The following BCR variants were observed in gnomAD, a reference collection of about 807,000 sequenced individuals.
The protein encoded by BCR is BCR activator of RhoGEF and GTPase, also known as breakpoint cluster region protein.
BCR carries 58 observed loss-of-function variants against 138.6 expected under a neutral mutation model. The ratio of observed to expected loss-of-function variants is 0.42; its 90% CI spans 0.34 to 0.52. The LOEUF (loss-of-function observed/expected upper bound fraction) is 0.52, where lower values mean the gene tolerates loss of function less well. BCR is among the 20% of genes least tolerant of loss of function. The pLI, the probability that BCR is intolerant of heterozygous loss-of-function variation, is 0.06. For missense variants in BCR, 1,599 were observed against 1,727.2 expected (o/e 0.93, Z 1.32); for synonymous variants, 786 against 730.1 (o/e 1.08, Z -1.23).
At chr22:23,252,982 T>TTATCTATTGG (rs1169000510) in intron 1 of BCR, among the ~76,000 whole-genome samples, 2 of 152,210 alleles carry the variant, frequency 1.3e-5, no homozygotes, top group African/African-American at 4.8e-5. Context: ...ACGTCAGGTG[T>TTATCTATTGG]CAGTAGCAAG....
chr22:23,226,489 G>T (rs542301986), intron 1 of BCR, among the ~76,000 whole-genome samples: 1 of 152,198 alleles, frequency 6.6e-6, no homozygotes, highest in Non-Finnish European at 1.5e-5. Context: ...AGGTTCCTAA[G>T]CTTCATGGTG....
chr22:23,221,186 T>C (rs1199754705), intron 1 of BCR, among the ~76,000 whole-genome samples: 1 of 152,184 alleles, frequency 6.6e-6, no homozygotes, highest in African/African-American at 2.4e-5. Context: ...CTTTTACAAA[T>C]TGGAGGATGG....
At chr22:23,198,328 G>A (rs369270359) in intron 1 of BCR, 7 of 437,628 alleles carry the variant, frequency 1.6e-5, no homozygotes, top group Non-Finnish European at 3.1e-5. Flanking sequence ...GTGCCGAGGA[G>A]GGGACTGGTG....
chr22:23,289,281 T>TACA (rs1275665388), intron 12 of BCR, among the ~76,000 whole-genome samples: 1 of 152,130 alleles, frequency 6.6e-6, no homozygotes, highest in Non-Finnish European at 1.5e-5. Flanking sequence ...GATGTGTGTG[T>TACA]TTGTAAGTCT....
chr22:23,190,926 A>T (rs185879581), intron 1 of BCR, among the ~76,000 whole-genome samples: 2 of 152,190 alleles, frequency 1.3e-5, no homozygotes, highest in East Asian at 3.9e-4. Flanking sequence ...TTTAAATTTA[A>T]AATTTATTAC....
rs1447571515 is a variant in BCR at position 23,290,659 on chromosome 22, C to A, written c.2782+246C>A. Reference sequence around the variant, plus strand: ...GATCCTGGGAGCTGGTGAGCTGCCCCCTGCAGGTGGATCGAGTAATTGCAG... The same window carrying A: ...GATCCTGGGAGCTGGTGAGCTGCCCACTGCAGGTGGATCGAGTAATTGCAG... On this transcript the variant is annotated intron_variant, in intron 14 of 22. Coordinates refer to ENST00000305877, the MANE Select transcript of BCR (RefSeq NM_004327.4). 7 of 516,176 alleles carry A rather than the reference C, an allele frequency of 1.4e-5. No individual in the cohort carries two copies. In the East Asian group the frequency reaches 2.0e-4, roughly 15 times the overall value. 32.0% of individuals were successfully genotyped at this position (516,176 alleles called of 1,614,324 possible).
At chr22:23,292,879 G>T (rs2073804355) in intron 15 of BCR, among the ~76,000 whole-genome samples, 2 of 152,214 alleles carry the variant, frequency 1.3e-5, no homozygotes, top group Admixed American at 1.3e-4. Context: ...CTGGAGAAGT[G>T]TTTGGAAAGA....
intron 4 of BCR, chr22:23,264,296 C>CA: frequency 1.1e-6 from 1 of 948,000 alleles, no homozygotes; most frequent in Non-Finnish European, 1.7e-6. Flanking sequence ...TGCATCTCAC[C>CA]ACCAAGCATC....
chr22:23,217,859 G>A lies in BCR; in HGVS notation c.1279+35620G>A, dbSNP rs542863209. Among the ~76,000 whole-genome samples the A allele has an allele frequency of 2.0e-5, 3 of 152,326 alleles. No homozygotes were observed. In the East Asian group the frequency reaches 5.8e-4, roughly 29 times the overall value. Reference sequence around the variant, plus strand: ...ATGAAGGCGGGGATCCCGGGTAGGCGGTGATCTGCAGCTGTGGCCGCCTGC... The same window carrying A: ...ATGAAGGCGGGGATCCCGGGTAGGCAGTGATCTGCAGCTGTGGCCGCCTGC... On this transcript the variant is annotated intron_variant, in intron 1 of 22. Transcript: ENST00000305877.
chr22:23,233,685 G>A lies in BCR; in HGVS notation c.1280-20114G>A, dbSNP rs528015155. On this transcript the variant is annotated intron_variant, in intron 1 of 22. Transcript: ENST00000305877. ...CACTCTTGTAGTCCCAGCTATTCAG[G>A]AGGCTGAGGCACAAGAATCGCTTGA... 4.6e-5 allele frequency among the ~76,000 whole-genome samples: 7 copies of A among 151,914 alleles called. No homozygotes were observed. In the South Asian group the frequency reaches 1.5e-3, roughly 32 times the overall value.
At chr22:23,287,568 C>T (rs563478023) in intron 11 of BCR, among the ~76,000 whole-genome samples, 1 of 152,338 alleles carries the variant, frequency 6.6e-6, no homozygotes, top group Admixed American at 6.5e-5. Flanking sequence ...TACAGGGATG[C>T]TGTCCTGGGG....
At chr22:23,269,183 C>T (rs2073480416) in intron 5 of BCR, among the ~76,000 whole-genome samples, 1 of 152,256 alleles carries the variant, frequency 6.6e-6, no homozygotes, top group Non-Finnish European at 1.5e-5. Flanking sequence ...GCTGGTGGCC[C>T]AGCCAGAACC....
At chr22:23,273,266 G>A in intron 7 of BCR, 133 bp downstream of exon 7, 3 of 973,696 alleles carry the variant, frequency 3.1e-6, no homozygotes, top group Middle Eastern at 2.1e-4. Context: ...AATGGGTAGA[G>A]GCCTGGGGTG....
chr22:23,186,982 C>T (rs945702250), intron 1 of BCR, among the ~76,000 whole-genome samples: 2 of 152,204 alleles, frequency 1.3e-5, no homozygotes, highest in East Asian at 1.9e-4. Context: ...GTGATCCACC[C>T]GTCTTGGCCT....
chr22:23,263,498 G>C lies in BCR; in HGVS notation c.1752+1958G>C, dbSNP rs533596130. On this transcript the variant is annotated intron_variant, in intron 4 of 22. Coordinates refer to ENST00000305877, the MANE Select transcript of BCR (RefSeq NM_004327.4). ...GTCAGATGCCCTGGATGCAGCTAGA[G>C]GATGATGCTTTGTACATATCCCAGG... is the stretch of plus-strand genomic sequence containing the variant. 5 of 1,567,064 alleles carry C rather than the reference G, an allele frequency of 3.2e-6. No homozygotes were observed. The African/African-American group carries it at 6.8e-5, about 21-fold the overall frequency.
intron 8 of BCR, among the ~76,000 whole-genome samples, chr22:23,282,701 C>T (rs969582462): frequency 7.9e-5 from 12 of 152,306 alleles, no homozygotes; most frequent in Admixed American, 7.2e-4. Flanking sequence ...CATCACTTCT[C>T]GAGATGAGGA....
chr22:23,242,988 A>G (rs753747939), intron 1 of BCR: 11 of 428,568 alleles, frequency 2.6e-5, no homozygotes, highest in Middle Eastern at 4.1e-4. Flanking sequence ...GGCCTCCTGT[A>G]TGCCTGTGTC....
chr22:23,291,859 G>A (rs945534000), intron 14 of BCR, among the ~76,000 whole-genome samples: 1 of 152,182 alleles, frequency 6.6e-6, no homozygotes, highest in Admixed American at 6.5e-5. Flanking sequence ...GGCCCTGGCT[G>A]TGGCCTCCTC....
intron 1 of BCR, among the ~76,000 whole-genome samples, chr22:23,244,882 A>C (rs2073138556): frequency 6.6e-6 from 1 of 152,164 alleles, no homozygotes; most frequent in Non-Finnish European, 1.5e-5. Flanking sequence ...CCCAACCTGA[A>C]GCCTAGAGCA....
Sources: gnomAD v4.1 joint callset for allele counts (sites outside exome capture counted in the v4.1 genomes callset) on GRCh38, gnomAD v4.1.1 for gene constraint, MANE v1.5 for transcripts, NCBI Gene and HGNC (gene_info 2026-07-23, HGNC 2026-07-21) for gene names.